ADGRL3: variants seen among roughly 807,000 people sequenced by gnomAD.
ADGRL3 encodes the protein adhesion G protein-coupled receptor L3.
ADGRL3 carries 62 observed loss-of-function variants against 153.5 expected under a neutral mutation model. The observed-to-expected ratio is 0.40, with a 90% CI of 0.33 to 0.50. ADGRL3 has a LOEUF of 0.50. ADGRL3 is among the 20% of genes least tolerant of loss of function. The pLI is 0.47. For synonymous variants in ADGRL3, 710 were observed against 672.5 expected, an observed-to-expected ratio of 1.06 and a Z score of -0.86; for missense variants, 1,641 against 1,859.4, an observed-to-expected ratio of 0.88 and a Z score of 2.16.
chr4:61,460,217 A>G (rs561603954), intron 2 of ADGRL3, among the ~76,000 whole-genome samples: 1 of 152,216 alleles, frequency 6.6e-6, no homozygotes, highest in Non-Finnish European at 1.5e-5. Flanking sequence ...TGGATCTTAC[A>G]TTTAAGTCTT....
At chr4:61,498,132 T>C (rs973020969) in intron 3 of ADGRL3, among the ~76,000 whole-genome samples, 1 of 152,222 alleles carries the variant, frequency 6.6e-6, no homozygotes, top group Non-Finnish European at 1.5e-5. Flanking sequence ...CAAGTAATTA[T>C]TTTTTCTCTG....
At chr4:61,548,167 C>T (rs1266902029) in intron 4 of ADGRL3, among the ~76,000 whole-genome samples, 1 of 151,980 alleles carries the variant, frequency 6.6e-6, no homozygotes, top group Non-Finnish European at 1.5e-5. Context: ...GTTCCTCATA[C>T]ATTCTGAATA....
intron 19 of ADGRL3, among the ~76,000 whole-genome samples, chr4:61,994,732 CAT>C (rs1193389244): frequency 1.3e-5 from 2 of 151,614 alleles, no homozygotes; most frequent in African/African-American, 4.8e-5. Flanking sequence ...CAACCACTAA[CAT>C]GAGTTTGGTG....
chr4:61,347,540 C>T (rs1181047520), intron 1 of ADGRL3, among the ~76,000 whole-genome samples: 1 of 152,030 alleles, frequency 6.6e-6, no homozygotes, highest in African/African-American at 2.4e-5. Context: ...CAATGTATGC[C>T]TACGTTAACC....
intron 5 of ADGRL3, among the ~76,000 whole-genome samples, chr4:61,595,946 A>G (rs2098987318): frequency 6.6e-6 from 1 of 152,076 alleles, no homozygotes; most frequent in Admixed American, 6.6e-5. Flanking sequence ...GCAGCACTGA[A>G]TTCAATGTAA....
intron 9 of ADGRL3, among the ~76,000 whole-genome samples, chr4:61,830,551 A>T (rs1400952016): frequency 6.6e-6 from 1 of 152,202 alleles, no homozygotes; most frequent in Non-Finnish European, 1.5e-5. Context: ...CTATGAAAAG[A>T]TTCTTTCAGA....
intron 4 of ADGRL3, among the ~76,000 whole-genome samples, chr4:61,578,772 A>C (rs955107749): frequency 1.3e-5 from 2 of 152,104 alleles, no homozygotes; most frequent in African/African-American, 4.8e-5. Context: ...TTTTTTAAGC[A>C]CACTAGCACA....
intron 8 of ADGRL3, among the ~76,000 whole-genome samples, chr4:61,780,651 C>T (rs550035660): frequency 6.6e-5 from 10 of 152,300 alleles, no homozygotes; most frequent in East Asian, 3.9e-4. Flanking sequence ...CTTCTTCCAT[C>T]CATTCCCACT....
chr4:61,435,028 A>G (rs897523746), intron 2 of ADGRL3, among the ~76,000 whole-genome samples: 10 of 152,118 alleles, frequency 6.6e-5, no homozygotes, highest in Admixed American at 3.3e-4. Flanking sequence ...CATAGAATTC[A>G]TAATTCCATT....
In ADGRL3 at chr4:61,363,013, C is replaced by T. The variant is rs558030318; in HGVS notation, c.-239-20111C>T. 2.6e-5 allele frequency among the ~76,000 whole-genome samples: 4 copies of T among 152,266 alleles called. No homozygotes were observed. The East Asian group carries it at 5.8e-4, about 22-fold the overall frequency. On this transcript the variant is annotated intron_variant, in intron 1 of 26. Transcript: ENST00000683033. ...GCATACCATATTGACACCAATGTCT[C>T]CTGAATATCCCTCAACTGACTTTTT...
intron 2 of ADGRL3, among the ~76,000 whole-genome samples, chr4:61,471,983 A>G (rs2097961852): frequency 6.6e-6 from 1 of 152,122 alleles, no homozygotes; most frequent in African/African-American, 2.4e-5. Flanking sequence ...CATTAAATAC[A>G]ATAAATGTAT....
intron 6 of ADGRL3, among the ~76,000 whole-genome samples, chr4:61,726,210 G>GTTTTTTTTTTTTTTTT (rs149472429): frequency 4.2e-5 from 5 of 118,520 alleles, no homozygotes; most frequent in East Asian, 2.6e-4. Context: ...TTTTTTTTTT[G>GTTTTTTTTTTTTTTTT]TTTTTTGAGA....
At chr4:61,921,874 A>C (rs531173956) in intron 13 of ADGRL3, among the ~76,000 whole-genome samples, 43 of 152,342 alleles carry the variant, frequency 2.8e-4, no homozygotes, top group African/African-American at 1.0e-3. Flanking sequence ...ATAGGGTAGC[A>C]TTCTGCCATG....
intron 4 of ADGRL3, among the ~76,000 whole-genome samples, chr4:61,560,077 C>T (rs1304312939): frequency 6.6e-6 from 1 of 152,032 alleles, no homozygotes; most frequent in Non-Finnish European, 1.5e-5. Context: ...TGCCTTACTC[C>T]TTTTCTGACC....
chr4:61,956,969 T>C (rs1421623683), intron 17 of ADGRL3, among the ~76,000 whole-genome samples: 1 of 152,192 alleles, frequency 6.6e-6, no homozygotes, highest in African/African-American at 2.4e-5. Context: ...TCAGGTAGCA[T>C]GATGCTTCCA....
chr4:61,260,721 TA>T (rs1214606364), intron 1 of ADGRL3, among the ~76,000 whole-genome samples: 4 of 151,000 alleles, frequency 2.6e-5, no homozygotes, highest in African/African-American at 4.9e-5. Flanking sequence ...TAGTGGCCTT[TA>T]AAAAATTTTT....
At position 61,202,613 on chromosome 4, in the gene ADGRL3, C is replaced by T. The variant is rs540471321; in HGVS notation, c.-240+848C>T. On this transcript the variant is annotated intron_variant, in intron 1 of 26. Coordinates refer to ENST00000683033, the MANE Select transcript of ADGRL3 (RefSeq NM_001387552.1). This position sits in a 1 kb window ranked among gnomAD's most constrained non-coding sequence, Gnocchi z 5.0. ...GGCGGGTTACAGGTAGGAGAGAAGG[C>T]ACCTCGGCGCTTCTCTGAGGAGAAG... Among the ~76,000 whole-genome samples the T allele has an allele frequency of 4.1e-4, 63 of 152,286 alleles. No homozygotes were observed. The highest frequency in any genetic ancestry group is 1.5e-3 in the African/African-American group (61 of 41,566).
intron 17 of ADGRL3, among the ~76,000 whole-genome samples, chr4:61,962,117 T>C (rs894313986): frequency 6.6e-6 from 1 of 151,968 alleles, no homozygotes; most frequent in Non-Finnish European, 1.5e-5. Context: ...TATGGGCCTA[T>C]AGTCTCAGCT....
At chr4:61,627,732 G>T (rs1355994290) in intron 5 of ADGRL3, among the ~76,000 whole-genome samples, 1 of 152,120 alleles carries the variant, frequency 6.6e-6, no homozygotes. Context: ...AAATGGTAGG[G>T]TTTGGGTATT....
Sources: gnomAD v4.1 joint callset for allele counts (sites outside exome capture counted in the v4.1 genomes callset) on GRCh38, gnomAD v4.1.1 for gene constraint, Gnocchi (gnomAD v3.1) non-coding constraint, MANE v1.5 for transcripts, NCBI Gene and HGNC (gene_info 2026-07-23, HGNC 2026-07-21) for gene names.